The following DMD variants were observed in gnomAD, a reference collection of about 807,000 sequenced individuals.
DMD encodes dystrophin.
In DMD, 63 loss-of-function variants were observed where a neutral mutation model predicts 330.1. That is an observed-to-expected ratio of 0.19 (90% CI 0.16 to 0.24). The LOEUF (loss-of-function observed/expected upper bound fraction) is 0.24. Ranked by LOEUF, DMD falls within the 10% of genes least tolerant of loss-of-function variation. The pLI, the probability that DMD is intolerant of heterozygous loss-of-function variation, is 1.00. For missense variants in DMD, 3,344 were observed against 2,684.1 expected (o/e 1.25, Z -5.43); for synonymous variants, 1,223 against 959.8 (o/e 1.27, Z -5.07).
At chrX:31,452,764 G>A (rs1315211566) in intron 59 of DMD, among the ~76,000 whole-genome samples, 6 of 112,097 alleles carry the variant, frequency 5.4e-5, no homozygotes, top group African/African-American at 9.7e-5. Context: ...AATAAAAGCC[G>A]AATTATATCT....
intron 1 of DMD, among the ~76,000 whole-genome samples, chrX:33,084,609 G>A (rs113721054): frequency 9.0e-4 from 100 of 111,283 alleles, no homozygotes; most frequent in African/African-American, 3.0e-3. Context: ...GATATGGGTA[G>A]TGCCAGCTGA....
intron 7 of DMD, among the ~76,000 whole-genome samples, chrX:32,773,111 A>G (rs1242149962): frequency 8.9e-6 from 1 of 112,052 alleles, no homozygotes; most frequent in Non-Finnish European, 1.9e-5. Context: ...AAATTTAACA[A>G]GCTCAGCTTT....
At chrX:32,550,875 T>A (rs768459980) in intron 16 of DMD, among the ~76,000 whole-genome samples, 77 of 110,793 alleles carry the variant, frequency 6.9e-4, no homozygotes, top group Non-Finnish European at 1.2e-3. Flanking sequence ...GCACACAAGC[T>A]AGAAAACCTA....
At chrX:31,187,327 C>T (rs2041862992) in intron 67 of DMD, among the ~76,000 whole-genome samples, 1 of 112,297 alleles carries the variant, frequency 8.9e-6, no homozygotes, top group African/African-American at 3.2e-5. Flanking sequence ...TCTTATCTGT[C>T]CATGCCTCTT....
At chrX:32,469,318 ATTTAC>A (rs929094043) in intron 22 of DMD, among the ~76,000 whole-genome samples, 12 of 110,418 alleles carry the variant, frequency 1.1e-4, no homozygotes, top group African/African-American at 2.3e-4. Context: ...CCTGTTCAAT[ATTTAC>A]TTTAATGTTA....
chrX:32,733,439 C>T (rs1395604831), intron 7 of DMD, among the ~76,000 whole-genome samples: 1 of 110,618 alleles, frequency 9.0e-6, no homozygotes, highest in East Asian at 2.8e-4. Context: ...GAACTCTCCA[C>T]CCCAAATCAA....
At chrX:31,557,741 G>C (rs1160750774) in intron 55 of DMD, among the ~76,000 whole-genome samples, 3 of 111,764 alleles carry the variant, frequency 2.7e-5, no homozygotes, top group Non-Finnish European at 5.6e-5. Flanking sequence ...AAAGAGAAAG[G>C]GTAGAGTGTA....
chrX:31,229,986 A>G (rs1829693120), intron 63 of DMD, among the ~76,000 whole-genome samples: 1 of 112,233 alleles, frequency 8.9e-6, no homozygotes, highest in African/African-American at 3.2e-5. Context: ...TTAAGCCAAA[A>G]TATCCAGGCT....
At chrX:31,877,339 G>A (rs2093983523) in intron 47 of DMD, among the ~76,000 whole-genome samples, 1 of 111,366 alleles carries the variant, frequency 9.0e-6, no homozygotes, top group Non-Finnish European at 1.9e-5. Flanking sequence ...TAAGATGAAT[G>A]GGAAATGTTG....
intron 1 of DMD, among the ~76,000 whole-genome samples, chrX:33,259,123 T>C (rs1460186357): frequency 9.0e-6 from 1 of 111,316 alleles, no homozygotes; most frequent in East Asian, 2.8e-4. Context: ...AAAATTGTGC[T>C]AAAAACATGT....
chrX:32,464,485 G>GGAGA (rs2098394581), intron 24 of DMD, 101 bp downstream of exon 24: 4 of 627,155 alleles, frequency 6.4e-6, no homozygotes, highest in Admixed American at 2.5e-5. Flanking sequence ...AATCCACTGG[G>GGAGA]GAGAGGAGAG....
intron 9 of DMD, among the ~76,000 whole-genome samples, chrX:32,656,653 A>C (rs1215292053): frequency 8.9e-6 from 1 of 111,892 alleles, no homozygotes; most frequent in Non-Finnish European, 1.9e-5. Context: ...CTCTCAATGA[A>C]GGTTCCAGTC....
rs201006830 is a variant in DMD at position 32,158,408 on chromosome X, G to GA, written c.6438+58507dup. 4.6e-3 allele frequency among the ~76,000 whole-genome samples: 510 copies of GA among 110,592 alleles called. 6 individuals carry two copies. Among genetic ancestry groups the GA allele is most frequent in the African/African-American group, 0.016 (477 of 30,410 alleles). On this transcript the variant is annotated intron_variant, in intron 44 of 78. Coordinates refer to ENST00000357033, the MANE Select transcript of DMD (RefSeq NM_004006.3). ...AAATGCATCGAAAGTAAAGAAAAAA[G>GA]AAAAAAATAATAATTGAATACAAAT...
chrX:31,817,155 T>C (rs1603478531), intron 50 of DMD, among the ~76,000 whole-genome samples: 1 of 112,120 alleles, frequency 8.9e-6, no homozygotes, highest in Non-Finnish European at 1.9e-5. Flanking sequence ...TAAAGACATA[T>C]ATGTTAAAGC....
rs765540032 is a variant in DMD at position 32,879,960 on chromosome X, C to T, written c.94-30140G>A. 3.2e-4 allele frequency among the ~76,000 whole-genome samples: 35 copies of T among 111,101 alleles called. 1 individual carries two copies. The highest frequency in any genetic ancestry group is 3.0e-3 in the Admixed American group (31 of 10,375). ...AGACATTAGCCTCATGAGTGACCTC[C>T]ACACCTGTACTCTCCCCATACACGA... On this transcript the variant is annotated intron_variant, in intron 2 of 78. Transcript: ENST00000357033.
chrX:31,917,771 A>G (rs1354947520), intron 47 of DMD, among the ~76,000 whole-genome samples: 1 of 112,701 alleles, frequency 8.9e-6, no homozygotes, highest in Non-Finnish European at 1.9e-5. Flanking sequence ...TTGGGAGGCC[A>G]GAGCCCATCC....
At chrX:31,749,476 TC>T (rs2088251685) in intron 51 of DMD, among the ~76,000 whole-genome samples, 1 of 105,721 alleles carries the variant, frequency 9.5e-6, no homozygotes, top group African/African-American at 3.4e-5. Context: ...CATGAACTCA[TC>T]CTTTTTTATG....
At chrX:31,742,723 G>C (rs890741391) in intron 51 of DMD, among the ~76,000 whole-genome samples, 4 of 111,840 alleles carry the variant, frequency 3.6e-5, no homozygotes, top group African/African-American at 9.8e-5. Flanking sequence ...TTAAACATTA[G>C]ATCTCAAATT....
At chrX:32,910,140 G>A (rs1042260773) in intron 2 of DMD, among the ~76,000 whole-genome samples, 2 of 111,190 alleles carry the variant, frequency 1.8e-5, no homozygotes, top group African/African-American at 6.6e-5. Flanking sequence ...ACACACACGC[G>A]GCACAATAAA....
Sources: allele counts gnomAD v4.1 joint callset (sites outside exome capture counted in the v4.1 genomes callset), GRCh38; gene constraint gnomAD v4.1.1; transcripts MANE v1.5; gene names NCBI Gene and HGNC (gene_info 2026-07-23, HGNC 2026-07-21).